The following HERC3 variants were observed in gnomAD, a reference collection of about 807,000 sequenced individuals.
HERC3 encodes the protein probable E3 ubiquitin-protein ligase HERC3.
A neutral mutation model predicts 129.9 loss-of-function variants in HERC3; 58 were observed. The observed-to-expected ratio is 0.45, with a 90% confidence interval of 0.36 to 0.56. HERC3 has a LOEUF of 0.56. HERC3 is among the 20% of genes least tolerant of loss of function. The pLI, the probability that HERC3 is intolerant of heterozygous loss-of-function variation, is 0.00. For missense variants in HERC3, 835 were observed against 1,244.2 expected (o/e 0.67, Z 4.95); for synonymous variants, 430 against 451.0 (o/e 0.95, Z 0.59).
the HERC3 span, among the ~76,000 whole-genome samples, chr4:88,580,257 G>A: frequency 5.8e-4 from 88 of 152,330 alleles, no homozygotes; most frequent in Non-Finnish European, 7.8e-4. Flanking sequence ...AGGTGCAGTG[G>A]ATCATGCCTG....
chr4:88,578,511 G>A, the HERC3 span, among the ~76,000 whole-genome samples: 2 of 151,910 alleles, frequency 1.3e-5, no homozygotes, highest in Admixed American at 1.3e-4. Flanking sequence ...GAACCCGGGG[G>A]GTGGAGGTTG....
chr4:88,619,422 C>T (rs1337719214), intron 3 of HERC3, among the ~76,000 whole-genome samples: 1 of 152,134 alleles, frequency 6.6e-6, no homozygotes, highest in Non-Finnish European at 1.5e-5. Context: ...GTATAAGTGG[C>T]TGTTCACCTG....
intron 20 of HERC3, among the ~76,000 whole-genome samples, chr4:88,680,620 A>G (rs1732670066): frequency 6.6e-6 from 1 of 152,266 alleles, no homozygotes; most frequent in South Asian, 2.1e-4. Context: ...TTGAAACTTC[A>G]GTAGGAGAGC....
intron 3 of HERC3, among the ~76,000 whole-genome samples, chr4:88,640,759 A>G (rs1728001487): frequency 6.6e-6 from 1 of 152,228 alleles, no homozygotes. Flanking sequence ...AGATCAGTTC[A>G]GCAGGAAAAC....
the HERC3 span, among the ~76,000 whole-genome samples, chr4:88,554,496 T>A: frequency 6.6e-6 from 1 of 152,206 alleles, no homozygotes; most frequent in Non-Finnish European, 1.5e-5. Flanking sequence ...TAATCAGAGT[T>A]GGGCTTTAAA....
intron 13 of HERC3, among the ~76,000 whole-genome samples, 157 bp from the exon 14 acceptor site, chr4:88,667,735 T>C (rs958469548): frequency 6.6e-6 from 1 of 152,184 alleles, no homozygotes; most frequent in Admixed American, 6.6e-5. Flanking sequence ...CATGGATGTG[T>C]ACTGAGGGCC....
chr4:88,655,124 G>A (rs760230947), intron 7 of HERC3, 50 bp from the exon 8 acceptor site: 2 of 1,599,434 alleles, frequency 1.3e-6, no homozygotes, highest in South Asian at 1.1e-5. Flanking sequence ...GGGTTTAGAG[G>A]TATACCCTTA....
intron 23 of HERC3, chr4:88,690,772 C>T (rs1733993917): frequency 4.8e-6 from 1 of 207,990 alleles, no homozygotes; most frequent in Admixed American, 6.5e-5. Flanking sequence ...AATTTTTCTC[C>T]CTTTCTGTTT....
intron 3 of HERC3, among the ~76,000 whole-genome samples, chr4:88,634,463 G>A (rs1190570384): frequency 1.3e-5 from 2 of 152,130 alleles, no homozygotes; most frequent in Non-Finnish European, 2.9e-5. Context: ...CTCCAACTAG[G>A]GGCTAAGGGA....
chr4:88,546,021 T>C, the HERC3 span, among the ~76,000 whole-genome samples: 2 of 152,202 alleles, frequency 1.3e-5, no homozygotes, highest in Non-Finnish European at 2.9e-5. Flanking sequence ...ATAGATTAGG[T>C]ATACTACACT....
Position 88,700,995 on chromosome 4 carries a change from T to C in HERC3, c.2658-3103T>C, listed in dbSNP as rs137863427. Among the ~76,000 whole-genome samples the C allele has an allele frequency of 8.1e-4, 124 of 152,246 alleles. No individual in the cohort carries two copies. The East Asian group carries it at 0.023, about 28-fold the overall frequency. On this transcript the variant is annotated intron_variant, in intron 23 of 25. Coordinates refer to ENST00000402738, the MANE Select transcript of HERC3 (RefSeq NM_014606.3). Reference sequence around the variant, plus strand: ...AATGTTCATCCCAACTAAAAAAATATCTTAACAACATCCAGACTGGTGTTT... The same window carrying C: ...AATGTTCATCCCAACTAAAAAAATACCTTAACAACATCCAGACTGGTGTTT...
At chr4:88,687,041 A>G (rs2149326086) in intron 22 of HERC3, among the ~76,000 whole-genome samples, 176 bp from the exon 23 acceptor site, 1 of 152,330 alleles carries the variant, frequency 6.6e-6, no homozygotes, top group Middle Eastern at 3.4e-3. Context: ...CTAAAACAAA[A>G]GATGTTTTTT....
chr4:88,546,973 T>C, the HERC3 span, among the ~76,000 whole-genome samples: 2 of 152,198 alleles, frequency 1.3e-5, no homozygotes, highest in African/African-American at 2.4e-5. Context: ...TAAAAAACTG[T>C]TTCTTGGTCT....
the HERC3 span, among the ~76,000 whole-genome samples, chr4:88,549,233 G>C: frequency 1.3e-5 from 2 of 151,778 alleles, no homozygotes; most frequent in African/African-American, 4.8e-5. Context: ...ACCATTTTTG[G>C]GGGGGTGAGT....
At chr4:88,526,274 T>A in the HERC3 span, among the ~76,000 whole-genome samples, 1 of 152,208 alleles carries the variant, frequency 6.6e-6, no homozygotes, top group Non-Finnish European at 1.5e-5. Flanking sequence ...TCTTGGATTA[T>A]CACACACATG....
chr4:88,590,101 C>G (rs977658694), upstream of HERC3, among the ~76,000 whole-genome samples: 1 of 151,612 alleles, frequency 6.6e-6, no homozygotes, highest in African/African-American at 2.4e-5. Flanking sequence ...AATCCCGCCT[C>G]TACTAAAAGT....
chr4:88,654,349 C>CATATATATAT (rs869126362), intron 7 of HERC3, among the ~76,000 whole-genome samples: 142 of 70,842 alleles, frequency 2.0e-3, no homozygotes, highest in South Asian at 6.7e-3. Context: ...GTAGATTTTT[C>CATATATATAT]ATATATATAT....
Position 88,654,064 on chromosome 4 carries a change from A to G in HERC3, c.708A>G (p.Val236=), listed in dbSNP as rs772804811. 1 of 1,612,600 alleles carries G rather than the reference A, an allele frequency of 6.2e-7. No individual in the cohort carries two copies. The highest frequency in any genetic ancestry group is 1.1e-5 in the South Asian group (1 of 91,036). ...DEKDRESPCH[V]KLLRTQKVVY... ...TAGATCGAGAATCTCCATGCCATGT[A>G]AAACTCTTACGCACGCAAAAAGTTG... Residue 236 remains valine, a synonymous_variant, in exon 7 of 26, where the codon GTA becomes GTG. Transcript: ENST00000402738.
the HERC3 span, among the ~76,000 whole-genome samples, chr4:88,576,129 A>T: frequency 1.3e-5 from 2 of 152,116 alleles, no homozygotes; most frequent in Non-Finnish European, 2.9e-5. Context: ...CCTTCAAATT[A>T]GCTCTTGACT....
Sources: gnomAD v4.1 joint callset for allele counts (sites outside exome capture counted in the v4.1 genomes callset) on GRCh38, gnomAD v4.1.1 for gene constraint, MANE v1.5 for transcripts, NCBI Gene and HGNC (gene_info 2026-07-23, HGNC 2026-07-21) for gene names.